PPP2R2B: variants seen among roughly 807,000 people sequenced by gnomAD.
PPP2R2B encodes the protein protein phosphatase 2 regulatory subunit Bbeta.
Under a neutral mutation model 46.0 loss-of-function variants are expected in PPP2R2B, and 5 were observed. That is an observed-to-expected ratio of 0.11 (90% CI 0.06 to 0.23). The LOEUF (loss-of-function observed/expected upper bound fraction) is 0.23, where lower values mean the gene tolerates loss of function less well. Among genes scored for constraint, PPP2R2B ranks in the 10% least tolerant of loss-of-function variants. PPP2R2B has a pLI of 1.00. For missense variants in PPP2R2B, 367 were observed against 575.0 expected, an observed-to-expected ratio of 0.64 and a Z score of 3.70; for synonymous variants, 215 against 206.7, an observed-to-expected ratio of 1.04 and a Z score of -0.34.
chr5:146,683,964 G>A (rs927885957), intron 5 of PPP2R2B, among the ~76,000 whole-genome samples: 11 of 152,146 alleles, frequency 7.2e-5, no homozygotes, highest in African/African-American at 2.2e-4. Context: ...ATATCCACCC[G>A]CCGAGGCAGG....
At chr5:146,840,567 T>C (rs774460389) in intron 2 of PPP2R2B, among the ~76,000 whole-genome samples, 1 of 152,178 alleles carries the variant, frequency 6.6e-6, no homozygotes, top group African/African-American at 2.4e-5. Context: ...TCCACACATC[T>C]AGACACTCCT....
At position 146,819,294 on chromosome 5, in the gene PPP2R2B, G is replaced by A. The variant is rs544748777; in HGVS notation, c.70+58708C>T. Among the ~76,000 whole-genome samples the A allele has an allele frequency of 7.9e-5, 12 of 152,278 alleles. No individual in the cohort carries two copies. The South Asian group carries it at 2.5e-3, about 32-fold the overall frequency. ...TAACAGTTTCTCAGTGGGCTACATG[G>A]AGAGTTCTCCTTTTGTCATGAAAAG... On this transcript the variant is annotated intron_variant, in intron 2 of 9. Transcript: ENST00000394411.
At chr5:146,883,100 G>A (rs542657376), upstream of PPP2R2B, among the ~76,000 whole-genome samples, 1 of 152,308 alleles carries the variant, frequency 6.6e-6, no homozygotes, top group South Asian at 2.1e-4. Context: ...CCAGTCTGGA[G>A]ATTCTTAATA....
intron 1 of PPP2R2B, among the ~76,000 whole-genome samples, chr5:146,894,142 T>C (rs1231885075): frequency 1.3e-5 from 2 of 152,220 alleles, no homozygotes; most frequent in Non-Finnish European, 2.9e-5. Flanking sequence ...GCTGTGTTCC[T>C]GCGGTAGCTT....
At chr5:146,630,907 G>C (rs756200425) in intron 7 of PPP2R2B, among the ~76,000 whole-genome samples, 8 of 152,124 alleles carry the variant, frequency 5.3e-5, no homozygotes, top group Non-Finnish European at 1.0e-4. Context: ...TATTTTATAG[G>C]TGAGTAAGTT....
At chr5:146,704,792 A>G (rs1261653778) in intron 2 of PPP2R2B, among the ~76,000 whole-genome samples, 2 of 152,158 alleles carry the variant, frequency 1.3e-5, no homozygotes, top group African/African-American at 2.4e-5. Context: ...TTTCATACAT[A>G]AAGTATTATT....
chr5:146,608,565 G>A (rs1772527940), intron 7 of PPP2R2B, among the ~76,000 whole-genome samples: 1 of 152,142 alleles, frequency 6.6e-6, no homozygotes, highest in South Asian at 2.1e-4. Flanking sequence ...GGGAGGCCGA[G>A]GCAGGTAGAT....
intron 2 of PPP2R2B, among the ~76,000 whole-genome samples, chr5:146,809,173 C>G (rs929635196): frequency 3.3e-5 from 5 of 152,220 alleles, no homozygotes; most frequent in African/African-American, 1.2e-4. Context: ...TCCCTTTCTC[C>G]GCCAGGGTAA....
chr5:147,048,291 G>A (rs192495017), intron 1 of PPP2R2B, among the ~76,000 whole-genome samples: 5 of 152,290 alleles, frequency 3.3e-5, no homozygotes, highest in African/African-American at 1.2e-4. Context: ...GAGTCAGGCA[G>A]TATGGGTGCA....
At position 146,600,442 on chromosome 5, in the gene PPP2R2B, T is replaced by A. The variant is rs1202249315; in HGVS notation, c.809A>T (p.Asp270Val). 6.2e-7 allele frequency: 1 copy of A among 1,613,772 alleles called. No homozygotes were observed. Among genetic ancestry groups the A allele is most frequent in the Non-Finnish European group, 8.5e-7 (1 of 1,179,852 alleles). The change falls in exon 8 of 10, where the codon GAT becomes GTT. Residue 270 changes from aspartate (D) to valine (V), a missense_variant. Physicochemically the swap from Asp to Val is radical, Grantham distance 152. This residue lies in a region of PPP2R2B where 361 missense variants were observed against 545.5 expected (regional missense o/e 0.66). Transcript: ENST00000394411. ...RHTKFFEEPE[D>V]PSNRSFFSEI... is the part of the protein sequence containing the mutation. The stretch of plus-strand genomic sequence containing the variant: ...AGAGAAAAATGATCTGTTGCTTGGA[T>A]CTTCCGGCTCTTCAAAAACTGCAGA...
chr5:146,879,026 CCCCTAGCTCCCTG>C, upstream of PPP2R2B: 1 of 724,970 alleles, frequency 1.4e-6, no homozygotes, highest in Non-Finnish European at 1.8e-6. Flanking sequence ...GCACCCAGAG[CCCCTAGCTCCCTG>C]CCTTTCTCCG....
intron 2 of PPP2R2B, among the ~76,000 whole-genome samples, chr5:146,866,603 T>C (rs994350978): frequency 1.1e-4 from 16 of 151,180 alleles, no homozygotes; most frequent in African/African-American, 3.9e-4. Context: ...TTAAATTATA[T>C]ATATATACAC....
chr5:146,948,933 C>T (rs764221529), intron 1 of PPP2R2B, among the ~76,000 whole-genome samples: 1 of 152,034 alleles, frequency 6.6e-6, no homozygotes, highest in South Asian at 2.1e-4. Flanking sequence ...AAGGACTTTG[C>T]TAAAAATCAC....
intron 7 of PPP2R2B, among the ~76,000 whole-genome samples, chr5:146,613,904 T>G (rs973022985): frequency 1.6e-4 from 21 of 133,930 alleles, no homozygotes; most frequent in Middle Eastern, 3.8e-3. Flanking sequence ...AGAATCGATA[T>G]CGTGAAAATG....
intron 1 of PPP2R2B, among the ~76,000 whole-genome samples, chr5:146,949,170 T>G (rs1582480651): frequency 6.6e-6 from 1 of 152,118 alleles, no homozygotes; most frequent in East Asian, 1.9e-4. Flanking sequence ...ACTATTAAGC[T>G]TCAAGAATAG....
intron 2 of PPP2R2B, among the ~76,000 whole-genome samples, chr5:146,857,386 C>A (rs1052762213): frequency 1.3e-5 from 2 of 152,006 alleles, no homozygotes; most frequent in Non-Finnish European, 2.9e-5. Context: ...TAATATAGAA[C>A]AAAAGGTTCA....
chr5:146,887,479 A>G (rs1762365815), intron 1 of PPP2R2B, among the ~76,000 whole-genome samples: 1 of 152,196 alleles, frequency 6.6e-6, no homozygotes, highest in African/African-American at 2.4e-5. Context: ...TGAAGACGAA[A>G]ATATATACAG....
intron 9 of PPP2R2B, chr5:146,592,163 G>C: frequency 2.2e-6 from 1 of 445,382 alleles, no homozygotes; most frequent in South Asian, 1.6e-5. Context: ...TGTGACTTGG[G>C]TCCTTTGCCA....
intron 2 of PPP2R2B, among the ~76,000 whole-genome samples, chr5:146,851,481 A>C (rs1187657547): frequency 2.0e-5 from 3 of 152,094 alleles, no homozygotes; most frequent in Non-Finnish European, 4.4e-5. Flanking sequence ...GATCATGCCC[A>C]TTGCTTCATC....
Sources: allele counts gnomAD v4.1 joint callset (sites outside exome capture counted in the v4.1 genomes callset), GRCh38; gene constraint gnomAD v4.1.1; regional missense constraint gnomAD v4.1.1; transcripts MANE v1.5; gene names NCBI Gene and HGNC (gene_info 2026-07-23, HGNC 2026-07-21).